The following MBNL2 variants were observed in gnomAD, a reference collection of about 807,000 sequenced individuals.
MBNL2 encodes the protein muscleblind-like protein 2.
MBNL2 carries 17 observed loss-of-function variants against 41.9 expected under a neutral mutation model. The ratio of observed to expected loss-of-function variants is 0.41; its 90% confidence interval spans 0.28 to 0.61. MBNL2 has a LOEUF of 0.61. Ranked by LOEUF, MBNL2 falls within the 20% of genes least tolerant of loss-of-function variation. MBNL2 has a pLI of 0.35. For synonymous variants in MBNL2, 195 were observed against 182.9 expected, an observed-to-expected ratio of 1.07 and a Z score of -0.53; for missense variants, 336 against 505.6, an observed-to-expected ratio of 0.66 and a Z score of 3.22.
intron 8 of MBNL2, among the ~76,000 whole-genome samples, chr13:97,386,860 C>A (rs1036570147): frequency 3.9e-5 from 6 of 151,970 alleles, no homozygotes; most frequent in African/African-American, 1.5e-4. Flanking sequence ...GATAAGCAGA[C>A]TCCATTGTAG....
At chr13:97,266,313 C>CTTTAAATTTTAAAGGTTTTAAAT (rs1341784405) in intron 1 of MBNL2, among the ~76,000 whole-genome samples, 1 of 152,028 alleles carries the variant, frequency 6.6e-6, no homozygotes, top group Non-Finnish European at 1.5e-5. Context: ...AAAGAAAAAC[C>CTTTAAATTTTAAAGGTTTTAAAT]ATTAAAAGAA....
intron 2 of MBNL2, among the ~76,000 whole-genome samples, chr13:97,311,448 C>T (rs2058601712): frequency 6.6e-6 from 1 of 152,158 alleles, no homozygotes; most frequent in African/African-American, 2.4e-5. Context: ...CACCATGTTT[C>T]CCAATGTTTA....
chr13:97,202,724 G>C, the MBNL2 span, among the ~76,000 whole-genome samples: 1 of 152,172 alleles, frequency 6.6e-6, no homozygotes, highest in Admixed American at 6.5e-5. Flanking sequence ...AAGTCAAAAG[G>C]TTAAACTGTA....
intron 1 of MBNL2, among the ~76,000 whole-genome samples, chr13:97,260,192 C>A (rs1469929286): frequency 2.0e-5 from 3 of 152,116 alleles, no homozygotes; most frequent in Non-Finnish European, 4.4e-5. Flanking sequence ...CTATCTGGGA[C>A]AAAAGTATTC....
the MBNL2 span, among the ~76,000 whole-genome samples, chr13:97,157,656 G>A: frequency 6.6e-6 from 1 of 150,446 alleles, no homozygotes; most frequent in East Asian, 1.9e-4. Context: ...AGATAATCAT[G>A]TGGTTTTTGT....
At chr13:97,387,743 C>T (rs1363962879) in intron 8 of MBNL2, among the ~76,000 whole-genome samples, 1 of 152,206 alleles carries the variant, frequency 6.6e-6, no homozygotes, top group South Asian at 2.1e-4. Flanking sequence ...AAATTATGCA[C>T]GTCATCTTTT....
intron 2 of MBNL2, among the ~76,000 whole-genome samples, chr13:97,302,440 G>C (rs2057722894): frequency 6.6e-6 from 1 of 152,300 alleles, no homozygotes; most frequent in Non-Finnish European, 1.5e-5. Context: ...GGAGCTCTCT[G>C]AGTAGGAAAA....
At chr13:97,175,273 G>C in the MBNL2 span, among the ~76,000 whole-genome samples, 4 of 152,220 alleles carry the variant, frequency 2.6e-5, no homozygotes, top group South Asian at 2.1e-4. Flanking sequence ...CTGCCTGAAG[G>C]CTCTTCCTAC....
At chr13:97,173,391 G>T in the MBNL2 span, among the ~76,000 whole-genome samples, 1 of 152,198 alleles carries the variant, frequency 6.6e-6, no homozygotes, top group African/African-American at 2.4e-5. Flanking sequence ...CAGAGATTGT[G>T]GTTCCCACTA....
At chr13:97,333,129 T>G (rs549300736) in intron 2 of MBNL2, among the ~76,000 whole-genome samples, 1 of 152,228 alleles carries the variant, frequency 6.6e-6, no homozygotes, top group Admixed American at 6.5e-5. Context: ...AGCTTGCTTT[T>G]TAAAATTATT....
intron 1 of MBNL2, among the ~76,000 whole-genome samples, chr13:97,271,452 AAAC>A (rs1179489605): frequency 3.9e-4 from 56 of 144,482 alleles, no homozygotes; most frequent in Admixed American, 2.9e-3. Flanking sequence ...TTCTAAAAAA[AAAC>A]AAACAAAAAA....
chr13:97,211,547 A>ACT, the MBNL2 span, among the ~76,000 whole-genome samples: 1 of 152,296 alleles, frequency 6.6e-6, no homozygotes, highest in South Asian at 2.1e-4. Flanking sequence ...AAATGCAGAG[A>ACT]TCTATAAAGC....
chr13:97,176,811 T>C, the MBNL2 span, among the ~76,000 whole-genome samples: 5 of 152,140 alleles, frequency 3.3e-5, no homozygotes, highest in Middle Eastern at 3.2e-3. Context: ...TTATACTTTG[T>C]AGGAGAATTC....
chr13:97,353,958 C>T (rs1317498552), intron 5 of MBNL2, among the ~76,000 whole-genome samples: 1 of 150,654 alleles, frequency 6.6e-6, no homozygotes, highest in Non-Finnish European at 1.5e-5. Context: ...TCTGACCCCT[C>T]AGATCTGGTC....
the MBNL2 span, among the ~76,000 whole-genome samples, chr13:97,171,307 G>A: frequency 3.9e-5 from 6 of 152,152 alleles, no homozygotes; most frequent in African/African-American, 7.2e-5. Flanking sequence ...GCATAGAGTC[G>A]TTAGGGATCT....
chr13:97,171,735 T>C, the MBNL2 span, among the ~76,000 whole-genome samples: 1 of 152,186 alleles, frequency 6.6e-6, no homozygotes, highest in Non-Finnish European at 1.5e-5. Context: ...TGGGTCTTGA[T>C]ATGGTTTGGC....
the MBNL2 span, among the ~76,000 whole-genome samples, chr13:97,196,477 C>T: frequency 6.6e-6 from 1 of 152,010 alleles, no homozygotes. Context: ...TAAAGTGAAC[C>T]TACAGGCGGT....
In MBNL2 at chr13:97,331,406, G is replaced by A. The variant is rs1261067236; in HGVS notation, c.175-2870G>A. 3.9e-5 allele frequency among the ~76,000 whole-genome samples: 6 copies of A among 152,210 alleles called. No homozygotes were observed. The East Asian group carries it at 1.2e-3, about 29-fold the overall frequency. On this transcript the variant is annotated intron_variant, in intron 2 of 8. Transcript: ENST00000679496. ...ATTACTCCTCCATCCTCCTACCAAC[G>A]GATAGGTCCATGCAAATAATTGTTT...
At chr13:97,375,648 C>T (rs1476353887) in intron 8 of MBNL2, among the ~76,000 whole-genome samples, 3 of 152,206 alleles carry the variant, frequency 2.0e-5, no homozygotes, top group Admixed American at 6.5e-5. Flanking sequence ...CATGTGAAGA[C>T]GTCACATGTT....
Sources: allele counts gnomAD v4.1 joint callset (sites outside exome capture counted in the v4.1 genomes callset), GRCh38; gene constraint gnomAD v4.1.1; transcripts MANE v1.5; gene names NCBI Gene and HGNC (gene_info 2026-07-23, HGNC 2026-07-21).